The following HERC2 variants were observed in gnomAD, a reference collection of about 807,000 sequenced individuals.
The protein encoded by HERC2 is HECT and RLD domain containing E3 ubiquitin protein ligase 2.
Under a neutral mutation model 537.7 loss-of-function variants are expected in HERC2, and 102 were observed. The ratio of observed to expected loss-of-function variants is 0.19; its 90% CI spans 0.16 to 0.22. HERC2 has a LOEUF of 0.22. Ranked by LOEUF, HERC2 falls within the 10% of genes least tolerant of loss-of-function variation. HERC2 has a pLI of 1.00. For synonymous variants in HERC2, 2,224 were observed against 2,466.2 expected (o/e 0.90, Z 2.91); for missense variants, 4,236 against 6,198.2 (o/e 0.68, Z 10.63).
At chr15:28,131,987 C>T (rs965343725) in intron 81 of HERC2, 113 bp downstream of exon 81, 90 of 870,332 alleles carry the variant, frequency 1.0e-4, no homozygotes, top group Non-Finnish European at 1.3e-4. Flanking sequence ...TCCTAAGGAG[C>T]ACACACGGGG....
chr15:28,119,334 A>G (rs1446268737), intron 86 of HERC2, among the ~76,000 whole-genome samples: 1 of 145,390 alleles, frequency 6.9e-6, no homozygotes, highest in Admixed American at 6.8e-5. Flanking sequence ...TGGGAGGTGG[A>G]GGTTGCAGTG....
rs1358899723 is a variant in HERC2 at position 28,274,890 on chromosome 15, C to T, written c.643+15G>A. The T allele has an allele frequency of 6.2e-7, 1 of 1,600,148 alleles. No homozygotes were observed. The highest frequency in any genetic ancestry group is 8.5e-7 in the Non-Finnish European group (1 of 1,169,820). On this transcript the variant is annotated intron_variant, in intron 6 of 92. Coordinates refer to ENST00000261609, the MANE Select transcript of HERC2 (RefSeq NM_004667.6). ...ATTAGGGAAGCAGAACAACGCGCCA[C>T]ACCAGGGACCGTACCTGATCGCCAG...
At chr15:28,193,499 T>C (rs1431672356) in intron 52 of HERC2, among the ~76,000 whole-genome samples, 2 of 151,940 alleles carry the variant, frequency 1.3e-5, no homozygotes, top group Admixed American at 6.6e-5. Context: ...CTAACACAAA[T>C]GAAAGAAGAG....
At chr15:28,274,536 G>T in intron 6 of HERC2, 89 bp from the exon 7 acceptor site, 1 of 1,405,920 alleles carries the variant, frequency 7.1e-7, no homozygotes, top group Non-Finnish European at 9.5e-7. Context: ...TGACGCCACT[G>T]TCACCTTTCC....
intron 35 of HERC2, 28 bp downstream of exon 35, chr15:28,228,190 A>C (rs1231150023): frequency 6.3e-7 from 1 of 1,599,302 alleles, no homozygotes; most frequent in Non-Finnish European, 8.5e-7. Context: ...ACATTTTCCC[A>C]AAGGCGCTCA....
chr15:28,277,056 A>T lies in HERC2; in HGVS notation c.543-2051T>A, dbSNP rs559522085. 1.1e-4 allele frequency among the ~76,000 whole-genome samples: 17 copies of T among 152,304 alleles called. No individual in the cohort carries two copies. In the East Asian group the frequency reaches 3.1e-3, roughly 28 times the overall value. On this transcript the variant is annotated intron_variant, in intron 5 of 92. Coordinates refer to ENST00000261609, the MANE Select transcript of HERC2 (RefSeq NM_004667.6). ...TATCACTGCACTCCAGCTTGTGGGC[A>T]TCAGGGTGAGACCCTGTCTCCAAAA...
chr15:28,244,585 T>A (rs1218535935), intron 23 of HERC2, among the ~76,000 whole-genome samples: 1 of 152,214 alleles, frequency 6.6e-6, no homozygotes, highest in African/African-American at 2.4e-5. Context: ...CTTTTGTGTA[T>A]GTGTTACTTA....
intron 83 of HERC2, 127 bp from the exon 84 acceptor site, chr15:28,125,320 A>T: frequency 1.4e-6 from 1 of 738,766 alleles, no homozygotes; most frequent in Middle Eastern, 2.6e-4. Context: ...CCTAGTTGTC[A>T]ACTTTACATA....
chr15:28,228,320 C>T lies in HERC2; in HGVS notation c.5362G>A (p.Val1788Met). 2 of 1,612,570 alleles carry T rather than the reference C, an allele frequency of 1.2e-6. No homozygotes were observed. Among genetic ancestry groups the T allele is most frequent in the Non-Finnish European group, 1.7e-6 (2 of 1,179,858 alleles). ...TGCAGGGTGAGCATGCTGAGCATCACCAGGAGGAAGCGGGCTTGCGGGATG... is the reference window on the plus strand; with the variant it reads ...TGCAGGGTGAGCATGCTGAGCATCATCAGGAGGAAGCGGGCTTGCGGGATG... ...GTIPQARFLLVMLSMLTLQHG... is the reference protein window; with the variant it reads ...GTIPQARFLLMMLSMLTLQHG... Residue 1788 changes from valine (V) to methionine (M), a missense_variant, in exon 35 of 93, where the codon GTG becomes ATG. Transcript: ENST00000261609.
At position 28,122,578 on chromosome 15, in the gene HERC2, C is replaced by T. The variant is rs540949853; in HGVS notation, c.13189-1149G>A. The stretch of plus-strand genomic sequence containing the variant: ...CAGAGGCCCTGCCTGGACCTCAGGG[C>T]GGCTCCCCCTCCACAGGAGCACTCC... On this transcript the variant is annotated intron_variant, in intron 85 of 92. Coordinates refer to ENST00000261609, the MANE Select transcript of HERC2 (RefSeq NM_004667.6). This position sits in a 1 kb window ranked among gnomAD's most constrained non-coding sequence, Gnocchi z 4.1. 3.9e-5 allele frequency among the ~76,000 whole-genome samples: 6 copies of T among 152,278 alleles called. No homozygotes were observed. The South Asian group carries it at 6.2e-4, about 16-fold the overall frequency.
rs775919253 is a variant in HERC2, at chr15:28,111,822, T to C, written c.14446A>G (p.Asn4816Asp). The change falls in exon 93 of 93, where the codon AAC becomes GAC. Residue 4816 changes from asparagine (N) to aspartate (D), a missense_variant. Physicochemically the swap from Asn to Asp is conservative, Grantham distance 23. Coordinates refer to ENST00000261609, the MANE Select transcript of HERC2 (RefSeq NM_004667.6). The part of the protein sequence containing the change: ...AADDSSDDSD[N>D]EDVDSFASDS... The stretch of plus-strand genomic sequence containing the variant: ...GAAGCAAAGGAGTCGACATCCTCGT[T>C]ATCTGAATCGTCGCTGCTGTCGTCG... 2 of 1,614,264 alleles carry C rather than the reference T, an allele frequency of 1.2e-6. No homozygotes were observed. The highest frequency in any genetic ancestry group is 3.3e-5 in the Admixed American group (2 of 60,034).
At chr15:28,318,339 T>C (rs558093078) in intron 2 of HERC2, among the ~76,000 whole-genome samples, 2 of 152,062 alleles carry the variant, frequency 1.3e-5, no homozygotes, top group South Asian at 4.2e-4. Flanking sequence ...AGAAAAGTGT[T>C]GAACAGGCCG....
At chr15:28,148,113 T>TA (rs1566943465) in intron 70 of HERC2, among the ~76,000 whole-genome samples, 1 of 148,816 alleles carries the variant, frequency 6.7e-6, no homozygotes, top group Non-Finnish European at 1.5e-5. Flanking sequence ...GCCAGAAAGA[T>TA]ACACCCACAA....
At position 28,260,988 on chromosome 15, in the gene HERC2, T is replaced by C. The variant is rs1382144912; in HGVS notation, c.2123-18A>G. 3 of 1,592,454 alleles carry C rather than the reference T, an allele frequency of 1.9e-6. No homozygotes were observed. The highest frequency in any genetic ancestry group is 1.7e-6 in the Non-Finnish European group (2 of 1,163,286). On this transcript the variant is annotated intron_variant, in intron 15 of 92. Coordinates refer to ENST00000261609, the MANE Select transcript of HERC2 (RefSeq NM_004667.6). ...CTTCTTCCCTACAAGGGAAGAGGGA[T>C]GCAGATGCAGCTTCAAGCCTATGAC...
Position 28,113,369 on chromosome 15 carries a change from A to C in HERC2, c.14020-86T>G. On this transcript the variant is annotated intron_variant, in intron 91 of 92. Transcript: ENST00000261609. This position sits in a 1 kb window ranked among gnomAD's most constrained non-coding sequence, Gnocchi z 7.0. Reference sequence around the variant, plus strand: ...TCCGTCACGCTCCCTCTCTACACCAAGGCCTGTTTGGGGTGGGGAAAGGTC... The same window carrying C: ...TCCGTCACGCTCCCTCTCTACACCACGGCCTGTTTGGGGTGGGGAAAGGTC... 1 of 1,392,540 alleles carries C rather than the reference A, an allele frequency of 7.2e-7. No individual in the cohort carries two copies. Among genetic ancestry groups the C allele is most frequent in the Non-Finnish European group, 1.0e-6 (1 of 995,304 alleles). The allele number at this position is 1,392,540 out of a possible 1,614,324, so 86.3% of individuals were successfully genotyped here. A position where few individuals can be genotyped will look rare whatever the true frequency, so the allele number is the denominator to read the frequency against.
chr15:28,218,087 T>C (rs1900124490), intron 38 of HERC2, among the ~76,000 whole-genome samples: 1 of 151,702 alleles, frequency 6.6e-6, no homozygotes, highest in South Asian at 2.1e-4. Context: ...TCGCTGCAGC[T>C]GTAATCAGTT....
chr15:28,113,556 C>T lies in HERC2; in HGVS notation c.14019+17G>A. 6.2e-7 allele frequency: 1 copy of T among 1,610,108 alleles called. No individual in the cohort carries two copies. The highest frequency in any genetic ancestry group is 8.5e-7 in the Non-Finnish European group (1 of 1,176,490). The stretch of plus-strand genomic sequence containing the variant: ...AAAAGGCAGCTGCAGGGCAGCCCCA[C>T]CTGGGGGTCGGCATACCATCGTCTC... On this transcript the variant is annotated intron_variant, in intron 91 of 92. Coordinates refer to ENST00000261609, the MANE Select transcript of HERC2 (RefSeq NM_004667.6). The surrounding 1 kb of genome is among the most constrained non-coding windows in gnomAD (Gnocchi z 7.0).
At chr15:28,181,168 C>T (rs1385191220) in intron 57 of HERC2, among the ~76,000 whole-genome samples, 1 of 152,134 alleles carries the variant, frequency 6.6e-6, no homozygotes, top group African/African-American at 2.4e-5. Context: ...GTCTAAAAAA[C>T]CTTTATGATT....
At chr15:28,144,469 G>A (rs146529814) in intron 72 of HERC2, among the ~76,000 whole-genome samples, 1 of 152,302 alleles carries the variant, frequency 6.6e-6, no homozygotes, top group African/African-American at 2.4e-5. Flanking sequence ...ACCAGGTGAG[G>A]AGGAGTGTGA....
Sources: gnomAD v4.1 joint callset for allele counts (sites outside exome capture counted in the v4.1 genomes callset) on GRCh38, gnomAD v4.1.1 for gene constraint, Gnocchi (gnomAD v3.1) non-coding constraint, MANE v1.5 for transcripts, NCBI Gene and HGNC (gene_info 2026-07-23, HGNC 2026-07-21) for gene names.